The following VPS18 variants were observed in gnomAD, a reference collection of about 807,000 sequenced individuals.
VPS18 encodes the protein VPS18 core subunit of CORVET and HOPS complexes, also known as vacuolar protein sorting-associated protein 18 homolog.
Under a neutral mutation model 82.0 loss-of-function variants are expected in VPS18, and 25 were observed. That is an observed-to-expected ratio of 0.30 (90% CI 0.22 to 0.43). VPS18 has a LOEUF of 0.43. Ranked by LOEUF, VPS18 falls within the 20% of genes least tolerant of loss-of-function variation. VPS18 has a pLI of 1.00. For missense variants in VPS18, 1,168 were observed against 1,311.1 expected (o/e 0.89, Z 1.69); for synonymous variants, 523 against 543.0 (o/e 0.96, Z 0.51).
chr15:40,896,053 G>A lies in VPS18; in HGVS notation c.207G>A (p.Met69Ile), dbSNP rs1566868076. 3 of 1,614,220 alleles carry A rather than the reference G, an allele frequency of 1.9e-6. No homozygotes were observed. The highest frequency in any genetic ancestry group is 2.5e-6 in the Non-Finnish European group (3 of 1,180,048). The change falls in exon 2 of 5, where the codon ATG becomes ATA. Residue 69 changes from methionine (M) to isoleucine (I), a missense_variant. Met to Ile is a conservative substitution (Grantham distance 10). Coordinates refer to ENST00000220509, the MANE Select transcript of VPS18 (RefSeq NM_020857.3). Reference sequence around the variant, plus strand: ...TCGTCTCCAGCAATCAGCTGTGCATGAGCCTGGGCAAGGATACACTGCTCC... The same window carrying A: ...TCGTCTCCAGCAATCAGCTGTGCATAAGCCTGGGCAAGGATACACTGCTCC... The part of the protein sequence containing the change: ...SLVVSSNQLC[M>I]SLGKDTLLRI...
rs1449154855 is a variant in VPS18, at chr15:40,898,022, A to T, written c.234-885A>T. Among the ~76,000 whole-genome samples the T allele has an allele frequency of 2.6e-5, 4 of 152,216 alleles. No homozygotes were observed. The East Asian group carries it at 7.7e-4, about 29-fold the overall frequency. On this transcript the variant is annotated intron_variant, in intron 2 of 4. Coordinates refer to ENST00000220509, the MANE Select transcript of VPS18 (RefSeq NM_020857.3). ...TGCTCTGTCACCCAGGCTGGAGTGC[A>T]GTGCCTCGATCTCGGCTTACTGCAA...
chr15:40,894,916 G>A (rs2142035078), intron 1 of VPS18, 57 bp downstream of exon 1: 3 of 1,504,396 alleles, frequency 2.0e-6, no homozygotes, highest in Admixed American at 4.1e-5. Flanking sequence ...TTGCGTGGGA[G>A]CAGCGAGGAG....
In VPS18 at chr15:40,901,008, C is replaced by G. The variant is rs2142039327; in HGVS notation, c.2190C>G (p.Ala730=). 6.3e-7 allele frequency: 1 copy of G among 1,598,704 alleles called. No individual in the cohort carries two copies. The highest frequency in any genetic ancestry group is 2.2e-5 in the East Asian group (1 of 44,694). ...LELYEEAVDL[A]LQVDVDLAKQ... The stretch of plus-strand genomic sequence containing the variant: ...TGTATGAGGAGGCCGTGGACCTGGC[C>G]CTGCAGGTAAGCCAGTACGTCTTGA... Residue 730 remains alanine (A), a synonymous_variant, in exon 4 of 5, where the codon GCC becomes GCG. Coordinates refer to ENST00000220509, the MANE Select transcript of VPS18 (RefSeq NM_020857.3).
rs760237901 is a variant in VPS18, at chr15:40,900,113, T to G, written c.1295T>G (p.Phe432Cys). The G allele has an allele frequency of 6.2e-7, 1 of 1,613,862 alleles. No individual in the cohort carries two copies. Among genetic ancestry groups the G allele is most frequent in the South Asian group, 1.1e-5 (1 of 91,084 alleles). ...LDTVLAREAD[F>C]CFRQRRYLES... is the part of the protein sequence containing the mutation. ...ACGGTCCTGGCCCGGGAGGCCGATT[T>G]CTGCTTTCGCCAGCGTCGCTACCTG... is the stretch of plus-strand genomic sequence containing the variant. Residue 432 changes from phenylalanine to cysteine, a missense_variant, in exon 4 of 5, where the codon TTC (phenylalanine) becomes TGC (cysteine). Physicochemically the swap from Phe to Cys is radical, Grantham distance 205. Around this residue, in one of 3 missense-constraint regions of VPS18, gnomAD observed 868 missense variants for 939.8 expected, o/e 0.92. Transcript: ENST00000220509. This position sits in a 1 kb window ranked among gnomAD's most constrained non-coding sequence, Gnocchi z 5.4.
intron 4 of VPS18, 145 bp downstream of exon 4, chr15:40,901,159 G>A (rs1892351185): frequency 4.6e-6 from 4 of 878,960 alleles, no homozygotes; most frequent in Non-Finnish European, 6.8e-6. Flanking sequence ...TGTTAAGTCA[G>A]ATTTGAATTC....
At chr15:40,901,589 AAAAAAAAAAAG>A (rs1892359413) in intron 4 of VPS18, among the ~76,000 whole-genome samples, 1 of 151,094 alleles carries the variant, frequency 6.6e-6, no homozygotes, top group East Asian at 2.0e-4. Context: ...TCCGTCTCAA[AAAAAAAAAAAG>A]AAAAAGAAAA....
In VPS18 at chr15:40,903,558, C is replaced by T. The variant is rs1185327795; in HGVS notation, c.*217C>T. ...CTTCAGAGCTGCAGTTATGCCAGAC[C>T]ATCAGCCTGCCTCCCAGTAGAGGCC... On this transcript the variant is annotated 3_prime_UTR_variant, in exon 5 of 5. Transcript: ENST00000220509. The T allele has an allele frequency of 1.2e-5, 7 of 582,972 alleles. No homozygotes were observed. The highest frequency in any genetic ancestry group is 1.3e-5 in the Non-Finnish European group (5 of 375,844). The allele number at this position is 582,972 out of a possible 1,614,324, so 36.1% of individuals were successfully genotyped here.
In VPS18 at chr15:40,899,656, G is replaced by A. The variant is rs770506563; in HGVS notation, c.838G>A (p.Ala280Thr). Residue 280 changes from alanine (A) to threonine (T), a missense_variant, in exon 4 of 5, where the codon GCA becomes ACA. Physicochemically the swap from Ala to Thr is moderately conservative, Grantham distance 58. Coordinates refer to ENST00000220509, the MANE Select transcript of VPS18 (RefSeq NM_020857.3). The surrounding 1 kb of genome is among the most constrained non-coding windows in gnomAD (Gnocchi z 4.4). ...LAFYTPKLRS[A>T]PRAFAWMMGD... is the part of the protein sequence containing the mutation. ...CTTCTACACCCCCAAGCTGCGCTCCGCACCCCGGGCCTTCGCCTGGATGAT... is the reference window on the plus strand; with the variant it reads ...CTTCTACACCCCCAAGCTGCGCTCCACACCCCGGGCCTTCGCCTGGATGAT... 7 of 1,613,350 alleles carry A rather than the reference G, an allele frequency of 4.3e-6. No individual in the cohort carries two copies. Among genetic ancestry groups the A allele is most frequent in the Admixed American group, 1.7e-5 (1 of 60,036 alleles).
chr15:40,895,698 A>G (rs970099051), intron 1 of VPS18, among the ~76,000 whole-genome samples: 1 of 152,214 alleles, frequency 6.6e-6, no homozygotes, highest in Non-Finnish European at 1.5e-5. Context: ...ATGCTGTGAC[A>G]GCATCTTAAG....
chr15:40,898,246 G>A (rs1236727810), intron 2 of VPS18, among the ~76,000 whole-genome samples: 14 of 149,272 alleles, frequency 9.4e-5, no homozygotes, highest in South Asian at 2.1e-4. Context: ...GAGCCACCGC[G>A]CCCGGCCTTT....
Position 40,900,057 on chromosome 15 carries a change from G to C in VPS18, c.1239G>C (p.Glu413Asp). The change falls in exon 4 of 5, where the codon GAG (glutamate) becomes GAC (aspartate). Residue 413 changes from glutamate to aspartate, a missense_variant. Around this residue, in one of 3 missense-constraint regions of VPS18, gnomAD observed 868 missense variants for 939.8 expected, o/e 0.92. Coordinates refer to ENST00000220509, the MANE Select transcript of VPS18 (RefSeq NM_020857.3). The surrounding 1 kb of genome is among the most constrained non-coding windows in gnomAD (Gnocchi z 5.4). ...LDMNRFDLAK[E>D]YCRERPDCLD... is the part of the protein sequence containing the mutation. ...TGAACCGCTTCGATCTGGCCAAAGA[G>C]TATTGTCGAGAGCGGCCCGACTGCC... 1 of 1,613,856 alleles carries C rather than the reference G, an allele frequency of 6.2e-7. No homozygotes were observed. Among genetic ancestry groups the C allele is most frequent in the African/African-American group, 1.3e-5 (1 of 75,064 alleles).
At position 40,902,929 on chromosome 15, in the gene VPS18, T is replaced by G. The variant is rs764225758; in HGVS notation, c.2510T>G (p.Leu837Arg). 3.7e-6 allele frequency: 6 copies of G among 1,614,264 alleles called. No individual in the cohort carries two copies. The highest frequency in any genetic ancestry group is 5.1e-6 in the Non-Finnish European group (6 of 1,180,054). ...AGTGCCCAGCGCATCCGGCGAGACC[T>G]GCAGGAGCTGCGGGGCCGCTACGGC... Reference protein sequence around the residue: ...TASAQRIRRDLQELRGRYGTV... With the variant: ...TASAQRIRRDRQELRGRYGTV... The change falls in exon 5 of 5, where the codon CTG becomes CGG. Residue 837 changes from leucine to arginine, a missense_variant. Leu to Arg is a moderately radical substitution (Grantham distance 102). Around this residue, in one of 3 missense-constraint regions of VPS18, gnomAD observed 296 missense variants for 354.0 expected, o/e 0.84. Transcript: ENST00000220509. The surrounding 1 kb of genome is among the most constrained non-coding windows in gnomAD (Gnocchi z 4.2).
rs749385622 is a variant in VPS18 at position 40,899,424 on chromosome 15, A to G, written c.606A>G (p.Pro202=). The change falls in exon 4 of 5, where the codon CCA becomes CCG. Residue 202 remains proline (P), a synonymous_variant. Transcript: ENST00000220509. The surrounding 1 kb of genome is among the most constrained non-coding windows in gnomAD (Gnocchi z 4.4). ...ACGTGCTAAATGAAGAAGGGGGTCC[A>G]GCACCTGTGTGCTCCCTTGAGGCCG... The part of the protein sequence containing the change: ...PLYVLNEEGG[P]APVCSLEAER... 6.2e-7 allele frequency: 1 copy of G among 1,604,022 alleles called. No individual in the cohort carries two copies.
rs1284310498 is a variant in VPS18, at chr15:40,903,457, G to A, written c.*116G>A. Reference sequence around the variant, plus strand: ...CTTGCAATTGCCACACTGTGACCACGTTGACGGGAGTAGAGTAGCGCTGTT... The same window carrying A: ...CTTGCAATTGCCACACTGTGACCACATTGACGGGAGTAGAGTAGCGCTGTT... On this transcript the variant is annotated 3_prime_UTR_variant, in exon 5 of 5. Coordinates refer to ENST00000220509, the MANE Select transcript of VPS18 (RefSeq NM_020857.3). 1.0e-5 allele frequency: 14 copies of A among 1,404,144 alleles called. No individual in the cohort carries two copies. Among genetic ancestry groups the A allele is most frequent in the African/African-American group, 2.9e-5 (2 of 69,746 alleles). The allele number at this position is 1,404,144 out of a possible 1,614,324, so 87.0% of individuals were successfully genotyped here.
At chr15:40,901,146 G>A (rs1892350959) in intron 4 of VPS18, 132 bp downstream of exon 4, 1 of 949,134 alleles carries the variant, frequency 1.1e-6, no homozygotes, top group African/African-American at 1.7e-5. Context: ...TAAGAGCATG[G>A]ACTGTTAAGT....
chr15:40,900,768 G>A lies in VPS18; in HGVS notation c.1950G>A (p.Glu650=), dbSNP rs576815219. The A allele has an allele frequency of 1.9e-6, 3 of 1,614,236 alleles. No individual in the cohort carries two copies. The East Asian group carries it at 6.7e-5, about 36-fold the overall frequency. ...TGAGCCAGGCCATCCGCTACATGGA[G>A]TTCTGCGTGAACGTGCTGGGGGAGA... ...QQVSQAIRYM[E]FCVNVLGETE... is the part of the protein sequence containing the mutation. Residue 650 remains glutamate (E), a synonymous_variant, in exon 4 of 5, where the codon GAG becomes GAA. Transcript: ENST00000220509. This position sits in a 1 kb window ranked among gnomAD's most constrained non-coding sequence, Gnocchi z 5.4.
In VPS18 at chr15:40,899,746, C is replaced by A; in HGVS notation, c.928C>A (p.Arg310=). The A allele has an allele frequency of 6.2e-7, 1 of 1,613,668 alleles. No individual in the cohort carries two copies. The highest frequency in any genetic ancestry group is 8.5e-7 in the Non-Finnish European group (1 of 1,180,030). Residue 310 remains arginine (R), a synonymous_variant, in exon 4 of 5, where the codon CGA becomes AGA. Transcript: ENST00000220509. This position sits in a 1 kb window ranked among gnomAD's most constrained non-coding sequence, Gnocchi z 4.4. The stretch of plus-strand genomic sequence containing the variant: ...CCCTGACTCTCTGCTGAGCGAGGAG[C>A]GAGTCTGGGAGTACCCAGAGGGGGT... The part of the protein sequence containing the change: ...GRPDSLLSEE[R]VWEYPEGVGP...
In VPS18 at chr15:40,894,567, G is replaced by C; in HGVS notation, c.-202G>C. ...GCAAGACTGCGCCAGATTCAAGGACGAGGGCTGCCCGATTATCTCGCTGCA... is the reference window on the plus strand; with the variant it reads ...GCAAGACTGCGCCAGATTCAAGGACCAGGGCTGCCCGATTATCTCGCTGCA... On this transcript the variant is annotated 5_prime_UTR_variant, in exon 1 of 5. Coordinates refer to ENST00000220509, the MANE Select transcript of VPS18 (RefSeq NM_020857.3). The C allele has an allele frequency of 2.0e-6, 1 of 503,662 alleles. No individual in the cohort carries two copies. The highest frequency in any genetic ancestry group is 3.5e-6 in the Non-Finnish European group (1 of 285,952). 31.2% of individuals were successfully genotyped at this position (503,662 alleles called of 1,614,324 possible). A position where few individuals can be genotyped will look rare whatever the true frequency, so the allele number is the denominator to read the frequency against.
chr15:40,901,152 T>G (rs940601637), intron 4 of VPS18, 138 bp downstream of exon 4: 5 of 915,540 alleles, frequency 5.5e-6, no homozygotes, highest in Non-Finnish European at 6.4e-6. Flanking sequence ...CATGGACTGT[T>G]AAGTCAGATT....
Sources: allele counts gnomAD v4.1 joint callset (sites outside exome capture counted in the v4.1 genomes callset), GRCh38; gene constraint gnomAD v4.1.1; regional missense constraint gnomAD v4.1.1; non-coding constraint Gnocchi (gnomAD v3.1); transcripts MANE v1.5; gene names NCBI Gene and HGNC (gene_info 2026-07-23, HGNC 2026-07-21).